The following PKHD1 variants were observed in gnomAD, a reference collection of about 807,000 sequenced individuals.
The protein encoded by PKHD1 is fibrocystin.
PKHD1 carries 291 observed loss-of-function variants against 412.0 expected under a neutral mutation model. The observed-to-expected ratio is 0.71, with a 90% CI of 0.64 to 0.78. The LOEUF is 0.78. PKHD1 is among the 30% of genes least tolerant of loss of function. PKHD1 has a pLI of 0.00. For synonymous variants in PKHD1, 1,777 were observed against 1,821.5 expected (o/e 0.98, Z 0.62); for missense variants, 4,825 against 4,950.7 (o/e 0.97, Z 0.76).
intron 35 of PKHD1, among the ~76,000 whole-genome samples, chr6:52,000,655 T>A (rs993275726): frequency 3.3e-5 from 5 of 152,196 alleles, no homozygotes; most frequent in Admixed American, 3.3e-4. Context: ...AACTGTTATT[T>A]TAAGATAAAA....
chr6:51,669,416 T>A (rs541182217), intron 60 of PKHD1, among the ~76,000 whole-genome samples: 1 of 151,850 alleles, frequency 6.6e-6, no homozygotes, highest in Non-Finnish European at 1.5e-5. Flanking sequence ...TTTTTATTGC[T>A]TCTATTTGAT....
intron 34 of PKHD1, among the ~76,000 whole-genome samples, chr6:52,010,906 A>G (rs900836136): frequency 6.6e-6 from 1 of 152,050 alleles, no homozygotes; most frequent in African/African-American, 2.4e-5. Flanking sequence ...CCTAGGGCAG[A>G]TGGAGAAATT....
At chr6:51,802,028 T>C (rs557368661) in intron 52 of PKHD1, among the ~76,000 whole-genome samples, 22 of 152,254 alleles carry the variant, frequency 1.4e-4, no homozygotes, top group African/African-American at 5.3e-4. Flanking sequence ...GAAAGGAGAA[T>C]ACCAGAAGGT....
At chr6:51,880,938 C>T (rs1777215262) in intron 46 of PKHD1, among the ~76,000 whole-genome samples, 1 of 149,804 alleles carries the variant, frequency 6.7e-6, no homozygotes, top group Non-Finnish European at 1.5e-5. Flanking sequence ...TGCACTCCAG[C>T]CTGGGCGACA....
intron 36 of PKHD1, among the ~76,000 whole-genome samples, chr6:51,954,681 G>T (rs962920812): frequency 4.6e-5 from 7 of 151,966 alleles, no homozygotes; most frequent in Non-Finnish European, 1.0e-4. Context: ...TATATATAAT[G>T]CAGTAATTAC....
At chr6:51,834,094 C>T (rs12213565) in intron 51 of PKHD1, among the ~76,000 whole-genome samples, 8,407 of 152,184 alleles carry the variant, frequency 0.055, 292 homozygotes, top group Middle Eastern at 0.12. Flanking sequence ...GAAGAGGAGG[C>T]TAGGCTTTTG....
At chr6:51,844,833 A>C (rs1770870475) in intron 50 of PKHD1, among the ~76,000 whole-genome samples, 1 of 152,132 alleles carries the variant, frequency 6.6e-6, no homozygotes, top group Admixed American at 6.5e-5. Flanking sequence ...CCCCAAAAAA[A>C]TCTAATATGG....
At position 51,753,357 on chromosome 6, in the gene PKHD1, G is replaced by A; in HGVS notation, c.8798-4C>T. ...TCCTCCGTGACATGTACACTTCCTG[G>A]GGCAATAGGAGTTGTGGGAAAAAAA... On this transcript the variant is annotated splice_polypyrimidine_tract_variant and splice_region_variant and intron_variant, in intron 56 of 66. Coordinates refer to ENST00000371117, the MANE Select transcript of PKHD1 (RefSeq NM_138694.4). The A allele has an allele frequency of 6.2e-7, 1 of 1,612,874 alleles. No homozygotes were observed. Among genetic ancestry groups the A allele is most frequent in the South Asian group, 1.1e-5 (1 of 91,048 alleles).
intron 60 of PKHD1, among the ~76,000 whole-genome samples, chr6:51,666,426 A>T (rs917650927): frequency 3.5e-4 from 53 of 152,178 alleles, no homozygotes; most frequent in Non-Finnish European, 1.8e-4. Context: ...CAGAAAGATA[A>T]TTTAGTATTT....
At chr6:51,646,691 A>G (rs558315679) in intron 63 of PKHD1, among the ~76,000 whole-genome samples, 3 of 152,252 alleles carry the variant, frequency 2.0e-5, no homozygotes, top group East Asian at 3.9e-4. Flanking sequence ...TATCCACCCA[A>G]TATAACAAGA....
chr6:51,820,717 G>A (rs375226813), intron 52 of PKHD1, among the ~76,000 whole-genome samples: 1 of 152,084 alleles, frequency 6.6e-6, no homozygotes, highest in Admixed American at 6.6e-5. Context: ...CTAAGGGTCA[G>A]CAATGAGCCA....
intron 57 of PKHD1, among the ~76,000 whole-genome samples, chr6:51,748,889 G>A (rs1460092042): frequency 2.0e-5 from 3 of 152,206 alleles, no homozygotes; most frequent in Admixed American, 6.5e-5. Flanking sequence ...AGAGTCTGGT[G>A]ACAGGACAGG....
chr6:52,002,007 C>T (rs764224207), intron 35 of PKHD1, among the ~76,000 whole-genome samples: 14 of 152,116 alleles, frequency 9.2e-5, no homozygotes, highest in Non-Finnish European at 1.9e-4. Flanking sequence ...TGAGACACTG[C>T]GTTAAGTGCA....
At position 51,750,165 on chromosome 6, in the gene PKHD1, T is replaced by C. The variant is rs566065118; in HGVS notation, c.8951-1500A>G. 1.1e-4 allele frequency among the ~76,000 whole-genome samples: 17 copies of C among 152,296 alleles called. No homozygotes were observed. The East Asian group carries it at 1.9e-3, about 17-fold the overall frequency. The stretch of plus-strand genomic sequence containing the variant: ...GGCTAAGTAAAGGAACCTATACGTC[T>C]ACTTGGGGCCAGGCAACAGGATTCC... On this transcript the variant is annotated intron_variant, in intron 57 of 66. Coordinates refer to ENST00000371117, the MANE Select transcript of PKHD1 (RefSeq NM_138694.4).
In PKHD1 at chr6:51,659,460, G is replaced by A. The variant is rs201534300; in HGVS notation, c.10666C>T (p.Arg3556Cys). The change falls in exon 61 of 67, where the codon CGC becomes TGC. Residue 3556 changes from arginine (R) to cysteine (C), a missense_variant. Transcript: ENST00000371117. ...VLQGEEPIEI[R>C]SGVSIHLALT... Reference sequence around the variant, plus strand: ...GCCAAGTGAATGGAAACACCTGAGCGTATTTCAATGGGCTCCTCTCCTTGT... The same window carrying A: ...GCCAAGTGAATGGAAACACCTGAGCATATTTCAATGGGCTCCTCTCCTTGT... 79 of 1,613,542 alleles carry A rather than the reference G, an allele frequency of 4.9e-5. No individual in the cohort carries two copies. Among genetic ancestry groups the A allele is most frequent in the South Asian group, 8.8e-5 (8 of 91,078 alleles).
At chr6:51,675,646 C>T (rs1394442936) in intron 60 of PKHD1, among the ~76,000 whole-genome samples, 4 of 152,040 alleles carry the variant, frequency 2.6e-5, no homozygotes, top group East Asian at 1.9e-4. Flanking sequence ...AGGAAAAAAG[C>T]GAGATCTGGC....
intron 40 of PKHD1, among the ~76,000 whole-genome samples, chr6:51,908,804 A>G (rs532232700): frequency 1.3e-5 from 2 of 152,174 alleles, no homozygotes; most frequent in South Asian, 4.1e-4. Context: ...TCATTTCCCC[A>G]GGCAAAAGAT....
intron 37 of PKHD1, among the ~76,000 whole-genome samples, chr6:51,917,761 C>T (rs1046859025): frequency 1.3e-5 from 2 of 152,176 alleles, no homozygotes; most frequent in Admixed American, 6.5e-5. Context: ...CACCTAGTGA[C>T]TGTCCCTTCA....
chr6:51,705,752 G>T (rs745763119), intron 60 of PKHD1, among the ~76,000 whole-genome samples: 2 of 152,042 alleles, frequency 1.3e-5, no homozygotes, highest in African/African-American at 2.4e-5. Flanking sequence ...ATGAGGCTAG[G>T]ATAGATGCTT....
Sources: gnomAD v4.1 joint callset for allele counts (sites outside exome capture counted in the v4.1 genomes callset) on GRCh38, gnomAD v4.1.1 for gene constraint, MANE v1.5 for transcripts, NCBI Gene and HGNC (gene_info 2026-07-23, HGNC 2026-07-21) for gene names.